Variants in IMPACT observed in about 807,000 individuals in gnomAD.
IMPACT encodes protein IMPACT.
Under a neutral mutation model 47.5 loss-of-function variants are expected in IMPACT, and 35 were observed. The ratio of observed to expected loss-of-function variants is 0.74; its 90% CI spans 0.56 to 0.98. The LOEUF (loss-of-function observed/expected upper bound fraction) is 0.98, where lower values mean the gene tolerates loss of function less well. IMPACT is among the 50% of genes least tolerant of loss of function. IMPACT has a pLI of 0.00. For synonymous variants in IMPACT, 118 were observed against 125.6 expected, an observed-to-expected ratio of 0.94 and a Z score of 0.40; for missense variants, 373 against 394.8, an observed-to-expected ratio of 0.94 and a Z score of 0.47.
At chr18:24,439,009 G>A (rs1309568398) in intron 5 of IMPACT, among the ~76,000 whole-genome samples, 1 of 152,156 alleles carries the variant, frequency 6.6e-6, no homozygotes, top group Admixed American at 6.5e-5. Context: ...TAGGCTGGCA[G>A]GCTGGGGACC....
At chr18:24,436,489 C>T (rs1352640966) in intron 4 of IMPACT, among the ~76,000 whole-genome samples, 1 of 151,514 alleles carries the variant, frequency 6.6e-6, no homozygotes, top group Non-Finnish European at 1.5e-5. Flanking sequence ...TTAAGCTATC[C>T]TCCTACGGTG....
chr18:24,435,268 T>A (rs372159045), intron 4 of IMPACT: 1 of 152,298 alleles, frequency 6.6e-6, no homozygotes, highest in East Asian at 1.9e-4. Flanking sequence ...CTGTGCCCAG[T>A]CCTTAATTTT....
rs914219953 is a variant in IMPACT, at chr18:24,452,522, C to G, written c.*1675C>G. On this transcript the variant is annotated 3_prime_UTR_variant, in exon 11 of 11. Coordinates refer to ENST00000284202, the MANE Select transcript of IMPACT (RefSeq NM_018439.4). ...AAACAATGAGAAACTTACTTTTGCTCCTTTATACAGAATTATTAACTATAT... is the reference window on the plus strand; with the variant it reads ...AAACAATGAGAAACTTACTTTTGCTGCTTTATACAGAATTATTAACTATAT... The G allele has an allele frequency of 6.6e-6, 1 of 152,020 alleles. No individual in the cohort carries two copies. The highest frequency in any genetic ancestry group is 2.4e-5 in the African/African-American group (1 of 41,386). The allele number at this position is 152,020 out of a possible 1,614,324, so 9.4% of individuals were successfully genotyped here. A position where few individuals can be genotyped will look rare whatever the true frequency, so the allele number is the denominator to read the frequency against.
At chr18:24,449,331 A>G (rs967657616) in intron 9 of IMPACT, among the ~76,000 whole-genome samples, 2 of 152,214 alleles carry the variant, frequency 1.3e-5, no homozygotes, top group Non-Finnish European at 2.9e-5. Flanking sequence ...GTGCCACTGC[A>G]CTGTAGCCTG....
chr18:24,432,045 C>G (rs866100069), intron 4 of IMPACT, among the ~76,000 whole-genome samples: 1 of 151,862 alleles, frequency 6.6e-6, no homozygotes, highest in Non-Finnish European at 1.5e-5. Flanking sequence ...ACTGATGGAG[C>G]CTTGGTTTGT....
rs1489030745 is a variant in IMPACT at position 24,452,425 on chromosome 18, AAAG to A, written c.*1582_*1584del. The stretch of plus-strand genomic sequence containing the variant: ...TAAAAATTAATTATTTTACATAATT[AAAG>A]AAGTTAAAAACTATTAACATTAAAT... On this transcript the variant is annotated 3_prime_UTR_variant, in exon 11 of 11. Coordinates refer to ENST00000284202, the MANE Select transcript of IMPACT (RefSeq NM_018439.4). The A allele has an allele frequency of 1.3e-5, 2 of 151,232 alleles. No individual in the cohort carries two copies. The highest frequency in any genetic ancestry group is 2.9e-5 in the Non-Finnish European group (2 of 68,034). 9.4% of individuals were successfully genotyped at this position (151,232 alleles called of 1,614,324 possible).
rs1281876352 is a variant in IMPACT at position 24,443,120 on chromosome 18, G to A, written c.562G>A (p.Ala188Thr). 1.2e-6 allele frequency: 2 copies of A among 1,605,132 alleles called. No individual in the cohort carries two copies. The highest frequency in any genetic ancestry group is 1.7e-6 in the Non-Finnish European group (2 of 1,173,672). The change falls in exon 7 of 11, where the codon GCA becomes ACA. Residue 188 changes from alanine (A) to threonine (T), a missense_variant. Ala to Thr is a moderately conservative substitution (Grantham distance 58). Coordinates refer to ENST00000284202, the MANE Select transcript of IMPACT (RefSeq NM_018439.4). ...TACAGACCGAAGAAGTACTTTTCAG[G>A]CACACTTGGCTCCAGTGGTTTGTCC... ...PITDRRSTFQAHLAPVVCPKQ... is the reference protein window; with the variant it reads ...PITDRRSTFQTHLAPVVCPKQ...
At chr18:24,439,891 T>A (rs2144341554) in intron 5 of IMPACT, among the ~76,000 whole-genome samples, 1 of 152,288 alleles carries the variant, frequency 6.6e-6, no homozygotes, top group African/African-American at 2.4e-5. Flanking sequence ...TCACTGTCTT[T>A]CTCTTTGTAG....
At position 24,445,381 on chromosome 18, in the gene IMPACT, G is replaced by T; in HGVS notation, c.595-12G>T. On this transcript the variant is annotated splice_polypyrimidine_tract_variant and intron_variant, in intron 7 of 10. Transcript: ENST00000284202. ...AAAAAGCATACTTATTTATATTATTGCTGTTTTTAAGGTGAAAATGGTTCT... is the reference window on the plus strand; with the variant it reads ...AAAAAGCATACTTATTTATATTATTTCTGTTTTTAAGGTGAAAATGGTTCT... 6.8e-7 allele frequency: 1 copy of T among 1,475,960 alleles called. No homozygotes were observed. The allele number at this position is 1,475,960 out of a possible 1,614,324, so 91.4% of individuals were successfully genotyped here.
At chr18:24,434,043 TA>T (rs1383018461) in intron 4 of IMPACT, among the ~76,000 whole-genome samples, 2 of 151,950 alleles carry the variant, frequency 1.3e-5, no homozygotes, top group African/African-American at 4.8e-5. Context: ...TACAGGTTTT[TA>T]AAAATTAAAC....
At chr18:24,446,959 A>C (rs1203290103) in intron 8 of IMPACT, among the ~76,000 whole-genome samples, 1 of 152,226 alleles carries the variant, frequency 6.6e-6, no homozygotes, top group Non-Finnish European at 1.5e-5. Context: ...AGCTTTTTCA[A>C]GATCCCATAG....
chr18:24,428,614 A>G (rs1179668776), intron 2 of IMPACT, among the ~76,000 whole-genome samples: 1 of 152,220 alleles, frequency 6.6e-6, no homozygotes, highest in Non-Finnish European at 1.5e-5. Flanking sequence ...ATGGTTCTCT[A>G]TTATATGTTA....
At chr18:24,427,074 C>G (rs73943449) in intron 1 of IMPACT, 1 of 368,554 alleles carries the variant, frequency 2.7e-6, no homozygotes, top group Non-Finnish European at 4.8e-6. Context: ...AGGCAAAAAC[C>G]GGGGTTTCGA....
intron 5 of IMPACT, 22 bp from the exon 6 acceptor site, chr18:24,440,474 A>G (rs1909073822): frequency 6.2e-7 from 1 of 1,605,820 alleles, no homozygotes; most frequent in African/African-American, 1.3e-5. Context: ...TCATAAAGTA[A>G]TTGTGTCTCA....
intron 9 of IMPACT, 143 bp downstream of exon 9, chr18:24,448,326 A>G (rs1909297687): frequency 2.0e-6 from 1 of 490,678 alleles, no homozygotes; most frequent in African/African-American, 1.9e-5. Flanking sequence ...TGATGTTAAA[A>G]TATTGATTGA....
intron 10 of IMPACT, among the ~76,000 whole-genome samples, chr18:24,450,486 A>G (rs1909355999): frequency 6.6e-6 from 1 of 152,176 alleles, no homozygotes; most frequent in African/African-American, 2.4e-5. Flanking sequence ...AAGTGGGGCA[A>G]TAGATGAAAT....
At chr18:24,437,287 A>C (rs1031860957) in intron 4 of IMPACT, among the ~76,000 whole-genome samples, 1 of 152,180 alleles carries the variant, frequency 6.6e-6, no homozygotes. Context: ...ATCATTTAAC[A>C]TAACTATGGA....
At chr18:24,431,521 C>CT (rs906104868) in intron 4 of IMPACT, among the ~76,000 whole-genome samples, 20 of 151,500 alleles carry the variant, frequency 1.3e-4, no homozygotes, top group African/African-American at 3.6e-4. Context: ...ATAAGATTTT[C>CT]TTTTTTTTGA....
chr18:24,428,847 TG>T (rs780258279), intron 2 of IMPACT, 21 bp from the exon 3 acceptor site: 54 of 1,599,386 alleles, frequency 3.4e-5, no homozygotes, highest in Admixed American at 1.5e-4. Flanking sequence ...TGTAAACAGA[TG>T]TTTTTGAACC....
Sources: gnomAD v4.1 joint callset for allele counts (sites outside exome capture counted in the v4.1 genomes callset) on GRCh38, gnomAD v4.1.1 for gene constraint, MANE v1.5 for transcripts, NCBI Gene and HGNC (gene_info 2026-07-23, HGNC 2026-07-21) for gene names.